The following SUMF1 variants were observed in gnomAD, a reference collection of about 807,000 sequenced individuals.
SUMF1 encodes sulfatase modifying factor 1, also known as formylglycine-generating enzyme.
Under a neutral mutation model 47.6 loss-of-function variants are expected in SUMF1, and 48 were observed. That is an observed-to-expected ratio of 1.01 (90% CI 0.80 to 1.28). The LOEUF (loss-of-function observed/expected upper bound fraction) is 1.28. Among genes scored for constraint, SUMF1 ranks in the 50% most tolerant of loss-of-function variants. SUMF1 has a pLI of 0.00. For synonymous variants in SUMF1, 230 were observed against 192.1 expected (o/e 1.20, Z -1.63); for missense variants, 571 against 485.4 (o/e 1.18, Z -1.66).
intron 1 of SUMF1, among the ~76,000 whole-genome samples, chr3:4,461,437 C>G (rs776830997): frequency 5.9e-5 from 9 of 152,206 alleles, no homozygotes; most frequent in Non-Finnish European, 1.0e-4. Flanking sequence ...AAAGAAAAAG[C>G]TTTCCTGTGG....
intron 8 of SUMF1, among the ~76,000 whole-genome samples, chr3:4,236,731 C>G (rs903870362): frequency 3.3e-5 from 5 of 152,160 alleles, no homozygotes; most frequent in African/African-American, 1.2e-4. Context: ...TTGTAACAAT[C>G]AATGAACCAA....
intron 8 of SUMF1, among the ~76,000 whole-genome samples, chr3:4,165,591 A>G (rs1024038878): frequency 6.6e-6 from 1 of 151,998 alleles, no homozygotes; most frequent in Non-Finnish European, 1.5e-5. Flanking sequence ...GACATAAGGT[A>G]TTTCACTCCA....
In SUMF1 at chr3:4,400,567, G is replaced by T. The variant is rs1399805823; in HGVS notation, c.954+10298C>A. ...AACAACAAGAGGCAATGCTGAAGGGGAAAGGATTTTCCAAAGGGAGATGTT... is the reference window on the plus strand; with the variant it reads ...AACAACAAGAGGCAATGCTGAAGGGTAAAGGATTTTCCAAAGGGAGATGTT... On this transcript the variant is annotated intron_variant, in intron 7 of 8. Coordinates refer to ENST00000272902, the MANE Select transcript of SUMF1 (RefSeq NM_182760.4). Among the ~76,000 whole-genome samples the T allele has an allele frequency of 2.0e-5, 3 of 152,334 alleles. No individual in the cohort carries two copies. The South Asian group carries it at 6.2e-4, about 32-fold the overall frequency.
At chr3:4,257,447 A>G (rs1259612080) in intron 8 of SUMF1, among the ~76,000 whole-genome samples, 1 of 149,662 alleles carries the variant, frequency 6.7e-6, no homozygotes, top group Non-Finnish European at 1.5e-5. Flanking sequence ...AAAAATCACA[A>G]GCATTCTTAT....
intron 8 of SUMF1, among the ~76,000 whole-genome samples, chr3:4,213,478 T>A (rs780365925): frequency 6.6e-5 from 10 of 152,022 alleles, no homozygotes; most frequent in Non-Finnish European, 1.0e-4. Context: ...ATAAAGACCA[T>A]CAACACTATG....
In SUMF1 at chr3:4,453,533, AT is replaced by A. The variant is rs11424980; in HGVS notation, c.271-485del. 2.3e-3 allele frequency among the ~76,000 whole-genome samples: 321 copies of A among 138,158 alleles called. 1 individual carries two copies. Among genetic ancestry groups the A allele is most frequent in the East Asian group, 7.2e-3 (34 of 4,734 alleles). The allele number at this position is 138,158 out of a possible 152,430, so 90.6% of individuals were successfully genotyped here. On this transcript the variant is annotated intron_variant, in intron 1 of 8. Transcript: ENST00000272902. ...AGACATGTGCCACCATGCCCAACTA[AT>A]TTTTTTTTTTTTTTTTGAGACGGAG...
chr3:4,151,978 C>A (rs1301474639), intron 8 of SUMF1, among the ~76,000 whole-genome samples: 1 of 151,512 alleles, frequency 6.6e-6, no homozygotes, highest in African/African-American at 2.4e-5. Flanking sequence ...GAAACAATGA[C>A]CTTTGTTCCC....
intron 1 of SUMF1, among the ~76,000 whole-genome samples, chr3:4,455,155 T>C (rs1362356708): frequency 6.6e-6 from 1 of 152,218 alleles, no homozygotes; most frequent in Non-Finnish European, 1.5e-5. Flanking sequence ...AGACACAATG[T>C]CTTATTTTCA....
At chr3:4,398,537 AAAGT>A (rs751066845) in intron 7 of SUMF1, among the ~76,000 whole-genome samples, 1 of 152,232 alleles carries the variant, frequency 6.6e-6, no homozygotes, top group Non-Finnish European at 1.5e-5. Context: ...GAAGTCACTA[AAAGT>A]AAGCTATAGG....
At chr3:4,208,625 A>C (rs1116129) in intron 8 of SUMF1, among the ~76,000 whole-genome samples, 91,887 of 151,724 alleles carry the variant, frequency 0.61, 28,012 homozygotes, top group South Asian at 0.71. Flanking sequence ...GAGAGACGAA[A>C]ATTCTAAGAA....
intron 9 of SUMF1, among the ~76,000 whole-genome samples, chr3:4,047,333 G>T (rs1236933129): frequency 6.6e-6 from 1 of 152,036 alleles, no homozygotes; most frequent in Non-Finnish European, 1.5e-5. Flanking sequence ...TTATTTCACT[G>T]CTATATCCCC....
At chr3:4,403,754 G>A (rs1444397111) in intron 7 of SUMF1, among the ~76,000 whole-genome samples, 2 of 152,202 alleles carry the variant, frequency 1.3e-5, no homozygotes, top group Non-Finnish European at 2.9e-5. Context: ...GAGAGTTACT[G>A]TTCACCAAGA....
chr3:4,134,332 C>T (rs1183137556), intron 8 of SUMF1, among the ~76,000 whole-genome samples: 1 of 152,156 alleles, frequency 6.6e-6, no homozygotes, highest in Non-Finnish European at 1.5e-5. Flanking sequence ...AACCACTCAA[C>T]TACATGGAAA....
intron 8 of SUMF1, among the ~76,000 whole-genome samples, chr3:4,159,614 C>G (rs1694531046): frequency 6.6e-6 from 1 of 151,854 alleles, no homozygotes; most frequent in East Asian, 1.9e-4. Flanking sequence ...TTCTGTGGTT[C>G]TGTGTGTACT....
intron 8 of SUMF1, among the ~76,000 whole-genome samples, chr3:4,216,990 T>A (rs545960084): frequency 2.0e-5 from 3 of 152,282 alleles, no homozygotes; most frequent in Middle Eastern, 6.8e-3. Context: ...GAAATACCAG[T>A]TGACCCAGCA....
At chr3:4,230,900 A>G (rs1280058841) in intron 8 of SUMF1, among the ~76,000 whole-genome samples, 1 of 152,140 alleles carries the variant, frequency 6.6e-6, no homozygotes, top group African/African-American at 2.4e-5. Context: ...TTTTTATTTT[A>G]TCACATATGG....
In SUMF1 at chr3:4,134,534, C is replaced by T. The variant is rs559391794; in HGVS notation, c.1015-65789G>A. Among the ~76,000 whole-genome samples, 5 of 152,168 alleles carry T rather than the reference C, an allele frequency of 3.3e-5. No homozygotes were observed. In the East Asian group the frequency reaches 9.7e-4, roughly 29 times the overall value. ...GAAAGCAGGAAAGATCTAAAATTGA[C>T]ACCCTAACATCACAATTAAAAGAAC... On this transcript the variant is annotated intron_variant and NMD_transcript_variant, in intron 8 of 12. Coordinates refer to the SUMF1 transcript ENST00000448413.
chr3:4,344,812 G>C (rs1699341800), intron 8 of SUMF1, among the ~76,000 whole-genome samples: 1 of 152,092 alleles, frequency 6.6e-6, no homozygotes, highest in Admixed American at 6.5e-5. Context: ...TTGATAACTA[G>C]AATAACCACT....
intron 8 of SUMF1, among the ~76,000 whole-genome samples, chr3:4,229,037 G>C (rs534127336): frequency 8.5e-5 from 13 of 152,136 alleles, no homozygotes; most frequent in Non-Finnish European, 1.9e-4. Flanking sequence ...TCATTATCAA[G>C]AAACTGTGCT....
Sources: allele counts gnomAD v4.1 joint callset (sites outside exome capture counted in the v4.1 genomes callset), GRCh38; gene constraint gnomAD v4.1.1; transcripts MANE v1.5; gene names NCBI Gene and HGNC (gene_info 2026-07-23, HGNC 2026-07-21).